The following IKZF1 variants were observed in gnomAD, a reference collection of about 807,000 sequenced individuals.
The protein encoded by IKZF1 is DNA-binding protein Ikaros.
In IKZF1, 10 loss-of-function variants were observed where a neutral mutation model predicts 51.7. That is an observed-to-expected ratio of 0.19 (90% CI 0.12 to 0.33). IKZF1 has a LOEUF of 0.33. IKZF1 is among the 10% of genes least tolerant of loss of function. The pLI is 1.00. For synonymous variants in IKZF1, 280 were observed against 282.3 expected (o/e 0.99, Z 0.08); for missense variants, 484 against 707.5 (o/e 0.68, Z 3.58).
At chr7:50,339,083 A>T (rs1421038617) in intron 3 of IKZF1, among the ~76,000 whole-genome samples, 1 of 152,198 alleles carries the variant, frequency 6.6e-6, no homozygotes, top group Non-Finnish European at 1.5e-5. Context: ...AAATCGGTGA[A>T]CGCTGCAAAT....
At chr7:50,326,726 T>C (rs1231255867) in intron 2 of IKZF1, among the ~76,000 whole-genome samples, 5 of 152,244 alleles carry the variant, frequency 3.3e-5, no homozygotes, top group Admixed American at 2.6e-4. Flanking sequence ...TTGTGTGGAT[T>C]ATATTTTATT....
intron 2 of IKZF1, among the ~76,000 whole-genome samples, chr7:50,323,864 T>C (rs985762451): frequency 2.6e-5 from 4 of 152,242 alleles, no homozygotes; most frequent in African/African-American, 9.6e-5. Flanking sequence ...TATTTTATCT[T>C]CACCGCAACC....
intron 5 of IKZF1, 99 bp downstream of exon 5, chr7:50,382,806 G>A (rs1020839193): frequency 7.1e-7 from 1 of 1,415,740 alleles, no homozygotes; most frequent in Admixed American, 2.3e-5. Flanking sequence ...GGCTAACCCT[G>A]AGTCCCTCCC....
At chr7:50,369,231 A>G (rs910199768) in intron 3 of IKZF1, 1 of 323,482 alleles carries the variant, frequency 3.1e-6, no homozygotes, top group Non-Finnish European at 5.6e-6. Flanking sequence ...TTGAAGAATC[A>G]TATTGTTGAA....
rs1457412197 is a variant in IKZF1 at position 50,401,435 on chromosome 7, C to T, written c.*808C>T. 1.3e-5 allele frequency: 3 copies of T among 226,256 alleles called. No individual in the cohort carries two copies. The highest frequency in any genetic ancestry group is 1.8e-5 in the Non-Finnish European group (2 of 113,608). 14.0% of individuals were successfully genotyped at this position (226,256 alleles called of 1,614,324 possible). On this transcript the variant is annotated 3_prime_UTR_variant, in exon 8 of 8. Transcript: ENST00000331340. ...GTGGGCATATCTGGGGAGCCCTGTT[C>T]CCCGCTTTTTCACTCCCATACCTTT...
At chr7:50,351,974 A>G (rs1272815088) in intron 3 of IKZF1, among the ~76,000 whole-genome samples, 1 of 152,220 alleles carries the variant, frequency 6.6e-6, no homozygotes, top group Non-Finnish European at 1.5e-5. Flanking sequence ...ACAGGGAGTT[A>G]ATTTGTGGGC....
chr7:50,395,590 T>C (rs1459959129), intron 7 of IKZF1, among the ~76,000 whole-genome samples: 1 of 152,240 alleles, frequency 6.6e-6, no homozygotes, highest in Non-Finnish European at 1.5e-5. Context: ...TTTGTAATAT[T>C]CACATTCTAT....
intron 3 of IKZF1, among the ~76,000 whole-genome samples, chr7:50,344,659 G>A (rs115631520): frequency 0.017 from 2,525 of 152,266 alleles, 75 homozygotes; most frequent in African/African-American, 0.057. Flanking sequence ...CTTGCAGGCA[G>A]GTACTACATC....
rs2153384972 is a variant in IKZF1 at position 50,327,757 on chromosome 7, G to A, written c.160G>A (p.Ala54Thr). 6.2e-7 allele frequency: 1 copy of A among 1,609,682 alleles called. No individual in the cohort carries two copies. Residue 54 changes from alanine to threonine, a missense_variant and splice_region_variant, in exon 3 of 8, where the codon GCC becomes ACC. Physicochemically the swap from Ala to Thr is moderately conservative, Grantham distance 58. Transcript: ENST00000331340. ...QQSSKSDRVV[A>T]SNVKVETQSD... ...AAGCTCCAAGAGTGACAGAGTCGTG[G>A]GTAAGTGGGTCACCAGCGGCCTCTG...
At chr7:50,392,486 T>C (rs1320698815) in intron 7 of IKZF1, among the ~76,000 whole-genome samples, 2 of 152,132 alleles carry the variant, frequency 1.3e-5, no homozygotes, top group African/African-American at 4.8e-5. Flanking sequence ...AGCCAGACGC[T>C]GCAGGGACAG....
Position 50,363,319 on chromosome 7 carries a change from G to A in IKZF1, c.161-13214G>A, listed in dbSNP as rs149147987. 4.3e-3 allele frequency among the ~76,000 whole-genome samples: 660 copies of A among 152,218 alleles called. 9 individuals carry two copies. The highest frequency in any genetic ancestry group is 0.015 in the African/African-American group (629 of 41,530). On this transcript the variant is annotated intron_variant, in intron 3 of 7. Transcript: ENST00000331340. ...TGTTGGGTGGAAGGTACTATGCTGG[G>A]GCCATCCAGGATCCGGAGCAGTGTA...
chr7:50,380,348 C>G (rs77513681), intron 4 of IKZF1, among the ~76,000 whole-genome samples: 1 of 152,332 alleles, frequency 6.6e-6, no homozygotes, highest in Non-Finnish European at 1.5e-5. Context: ...GCCTGCCTGC[C>G]TGCCCTGCTC....
chr7:50,368,606 G>A (rs1428928047), intron 3 of IKZF1: 9 of 447,324 alleles, frequency 2.0e-5, no homozygotes, highest in African/African-American at 6.0e-5. Flanking sequence ...CTTGGTGCCC[G>A]CAGGACCTTC....
intron 3 of IKZF1, among the ~76,000 whole-genome samples, chr7:50,355,646 T>TAAATA (rs1276430226): frequency 6.6e-6 from 1 of 150,394 alleles, no homozygotes; most frequent in East Asian, 2.0e-4. Context: ...AATAAATAAA[T>TAAATA]AAATAAATGG....
intron 3 of IKZF1, among the ~76,000 whole-genome samples, chr7:50,332,339 C>G (rs934586360): frequency 6.6e-5 from 10 of 152,150 alleles, no homozygotes; most frequent in Non-Finnish European, 1.2e-4. Flanking sequence ...ACTGACTTCT[C>G]TCTTGTACAC....
chr7:50,391,959 A>G (rs1322050416), intron 7 of IKZF1, 96 bp downstream of exon 7: 3 of 1,425,118 alleles, frequency 2.1e-6, no homozygotes, highest in African/African-American at 2.9e-5. Context: ...AGGGAAAAAA[A>G]TCTTATTTTT....
Position 50,317,229 on chromosome 7 carries a change from T to C in IKZF1, c.-14-1819T>C, listed in dbSNP as rs1053715470. Among the ~76,000 whole-genome samples, 5 of 152,264 alleles carry C rather than the reference T, an allele frequency of 3.3e-5. No homozygotes were observed. The East Asian group carries it at 9.6e-4, about 29-fold the overall frequency. ...TTGCTGTGACAAGATTTAACTTCTG[T>C]ATGCTTCACCAATCAATACAGAGGT... On this transcript the variant is annotated intron_variant, in intron 1 of 7. Coordinates refer to ENST00000331340, the MANE Select transcript of IKZF1 (RefSeq NM_006060.6).
chr7:50,394,854 AC>A (rs1816252806), intron 7 of IKZF1, among the ~76,000 whole-genome samples: 1 of 152,226 alleles, frequency 6.6e-6, no homozygotes, highest in Admixed American at 6.5e-5. Context: ...ACCATCAAAT[AC>A]AGGTCAACAG....
chr7:50,380,150 A>G (rs1157951262), intron 4 of IKZF1, among the ~76,000 whole-genome samples: 2 of 152,138 alleles, frequency 1.3e-5, no homozygotes, highest in South Asian at 2.1e-4. Flanking sequence ...GACCCCTCCA[A>G]AGGAAACTGC....
Sources: gnomAD v4.1 joint callset for allele counts (sites outside exome capture counted in the v4.1 genomes callset) on GRCh38, gnomAD v4.1.1 for gene constraint, MANE v1.5 for transcripts, NCBI Gene and HGNC (gene_info 2026-07-23, HGNC 2026-07-21) for gene names.